Variants in VRK1 observed in about 807,000 individuals in gnomAD.
VRK1 encodes VRK serine/threonine kinase 1, also known as serine/threonine-protein kinase VRK1.
Under a neutral mutation model 57.1 loss-of-function variants are expected in VRK1, and 33 were observed. That is an observed-to-expected ratio of 0.58 (90% CI 0.44 to 0.77). VRK1 has a LOEUF of 0.77. Ranked by LOEUF, VRK1 falls within the 30% of genes least tolerant of loss-of-function variation. VRK1 has a pLI of 0.00. For synonymous variants in VRK1, 137 were observed against 147.8 expected (o/e 0.93, Z 0.53); for missense variants, 413 against 477.3 (o/e 0.87, Z 1.25).
chr14:96,842,473 A>T (rs548623351), intron 3 of VRK1, among the ~76,000 whole-genome samples: 1 of 152,332 alleles, frequency 6.6e-6, no homozygotes, highest in Non-Finnish European at 1.5e-5. Context: ...ATTATTTCTA[A>T]AAAAGCAGGA....
chr14:96,829,580 C>A (rs879813702), intron 1 of VRK1, among the ~76,000 whole-genome samples: 4 of 152,098 alleles, frequency 2.6e-5, no homozygotes, highest in Admixed American at 2.0e-4. Context: ...ATATCTGAAT[C>A]CTGATGTTCA....
chr14:96,851,281 C>A (rs1272573368), intron 5 of VRK1, among the ~76,000 whole-genome samples: 1 of 152,042 alleles, frequency 6.6e-6, no homozygotes, highest in Non-Finnish European at 1.5e-5. Flanking sequence ...GCTGGAATTA[C>A]AGGTTCCTGC....
chr14:96,852,106 TAAC>T (rs1193435097), intron 5 of VRK1, among the ~76,000 whole-genome samples: 3 of 152,208 alleles, frequency 2.0e-5, no homozygotes, highest in Non-Finnish European at 4.4e-5. Context: ...TACTGAAATA[TAAC>T]GTGATTATTG....
At chr14:96,840,188 C>T (rs1286454075) in intron 3 of VRK1, among the ~76,000 whole-genome samples, 1 of 152,122 alleles carries the variant, frequency 6.6e-6, no homozygotes, top group Non-Finnish European at 1.5e-5. Context: ...CCATTTTACT[C>T]CTAGGATCTC....
intron 1 of VRK1, among the ~76,000 whole-genome samples, chr14:96,807,967 C>T (rs1885950233): frequency 7.0e-6 from 1 of 142,476 alleles, no homozygotes; most frequent in African/African-American, 2.6e-5. Context: ...CTCTCCCTCC[C>T]TCTCTCTCTG....
chr14:96,797,525 G>T (rs1028938804), intron 1 of VRK1, 78 bp downstream of exon 1: 7 of 152,136 alleles, frequency 4.6e-5, no homozygotes, highest in African/African-American at 1.7e-4. Flanking sequence ...CCGGGGCTGG[G>T]GCCGGCACTG....
At chr14:96,802,972 C>A (rs1885722183) in intron 1 of VRK1, among the ~76,000 whole-genome samples, 1 of 152,092 alleles carries the variant, frequency 6.6e-6, no homozygotes, top group Admixed American at 6.5e-5. Flanking sequence ...GTGATAAAAC[C>A]TTGAGCCCTC....
At chr14:96,813,365 A>G (rs1886277036) in intron 1 of VRK1, among the ~76,000 whole-genome samples, 1 of 152,176 alleles carries the variant, frequency 6.6e-6, no homozygotes, top group Non-Finnish European at 1.5e-5. Context: ...AAACCCTGAG[A>G]TTACAGAAGA....
At chr14:96,870,615 A>G (rs1414273313) in intron 11 of VRK1, among the ~76,000 whole-genome samples, 1 of 152,228 alleles carries the variant, frequency 6.6e-6, no homozygotes, top group South Asian at 2.1e-4. Flanking sequence ...TTGTAACATG[A>G]ATGATGTTAG....
chr14:96,833,647 C>T lies in VRK1; in HGVS notation c.160+16C>T. On this transcript the variant is annotated intron_variant, in intron 2 of 12. Transcript: ENST00000216639. ...ATATATCTTGGTAAGTGTGTGACTG[C>T]TTCTAATGATCAATCCAAAGATTTA... is the stretch of plus-strand genomic sequence containing the variant. 6.2e-7 allele frequency: 1 copy of T among 1,613,276 alleles called. No homozygotes were observed.
intron 7 of VRK1, 58 bp from the exon 8 acceptor site, chr14:96,855,166 A>T (rs1336916928): frequency 6.2e-7 from 1 of 1,612,802 alleles, no homozygotes; most frequent in African/African-American, 1.3e-5. Flanking sequence ...TGTGCTTTAA[A>T]GGGTTATATG....
At chr14:96,827,884 T>G (rs1034526665) in intron 1 of VRK1, among the ~76,000 whole-genome samples, 2 of 152,228 alleles carry the variant, frequency 1.3e-5, no homozygotes, top group Non-Finnish European at 2.9e-5. Flanking sequence ...TAAGTATACT[T>G]CTTGATTACT....
At chr14:96,869,208 T>C (rs1888714982) in intron 11 of VRK1, among the ~76,000 whole-genome samples, 1 of 152,242 alleles carries the variant, frequency 6.6e-6, no homozygotes, top group African/African-American at 2.4e-5. Flanking sequence ...CTTAGAGCAG[T>C]GGCAGGCACA....
intron 11 of VRK1, among the ~76,000 whole-genome samples, chr14:96,867,634 A>T (rs1206761078): frequency 4.0e-5 from 6 of 151,876 alleles, no homozygotes; most frequent in African/African-American, 1.5e-4. Flanking sequence ...TTCCTTCTCT[A>T]TTCTGTCCCT....
At chr14:96,823,886 T>G (rs1227299063) in intron 1 of VRK1, among the ~76,000 whole-genome samples, 2 of 152,230 alleles carry the variant, frequency 1.3e-5, no homozygotes, top group Non-Finnish European at 1.5e-5. Context: ...CTGAATAATA[T>G]TCCATTGTAT....
intron 1 of VRK1, among the ~76,000 whole-genome samples, chr14:96,806,235 A>C (rs1406349204): frequency 6.6e-6 from 1 of 152,210 alleles, no homozygotes; most frequent in East Asian, 1.9e-4. Context: ...CTGAGCTTTC[A>C]CGCCTATGGA....
At chr14:96,827,791 G>A (rs1183122916) in intron 1 of VRK1, among the ~76,000 whole-genome samples, 2 of 152,076 alleles carry the variant, frequency 1.3e-5, no homozygotes, top group Non-Finnish European at 2.9e-5. Context: ...GCTCCTGAAT[G>A]GACACTGACT....
chr14:96,852,300 G>A (rs937563349), intron 5 of VRK1, among the ~76,000 whole-genome samples: 3 of 152,080 alleles, frequency 2.0e-5, no homozygotes, highest in Non-Finnish European at 2.9e-5. Flanking sequence ...CCAAATCTTG[G>A]CCATTGAGTG....
intron 1 of VRK1, among the ~76,000 whole-genome samples, chr14:96,810,278 T>A (rs1454738455): frequency 6.6e-6 from 1 of 152,250 alleles, no homozygotes; most frequent in Non-Finnish European, 1.5e-5. Flanking sequence ...GCTTGTCATT[T>A]CACTCTCATA....
Sources: allele counts gnomAD v4.1 joint callset (sites outside exome capture counted in the v4.1 genomes callset), GRCh38; gene constraint gnomAD v4.1.1; transcripts MANE v1.5; gene names NCBI Gene and HGNC (gene_info 2026-07-23, HGNC 2026-07-21).